Variants in APBA2 observed in about 807,000 individuals in gnomAD.
APBA2 encodes amyloid-beta A4 precursor protein-binding family A member 2.
Under a neutral mutation model 75.0 loss-of-function variants are expected in APBA2, and 30 were observed. The ratio of observed to expected loss-of-function variants is 0.40; its 90% CI spans 0.30 to 0.54. The LOEUF (loss-of-function observed/expected upper bound fraction) is 0.54, where lower values mean the gene tolerates loss of function less well. Ranked by LOEUF, APBA2 falls within the 20% of genes least tolerant of loss-of-function variation. The probability of loss-of-function intolerance (pLI) is 0.49; values close to 1 mark genes in which losing one functional copy is unlikely to be tolerated. For synonymous variants in APBA2, 444 were observed against 409.6 expected (o/e 1.08, Z -1.01); for missense variants, 801 against 1,016.1 (o/e 0.79, Z 2.88).
chr15:29,030,025 C>T (rs1264386380), intron 3 of APBA2, among the ~76,000 whole-genome samples: 2 of 152,180 alleles, frequency 1.3e-5, no homozygotes, highest in Non-Finnish European at 2.9e-5. Context: ...CGAGGCCCAA[C>T]AGGTGTGGCC....
intron 3 of APBA2, among the ~76,000 whole-genome samples, chr15:29,013,643 G>T (rs114739910): frequency 0.01 from 1,538 of 152,308 alleles, 25 homozygotes; most frequent in African/African-American, 0.034. Context: ...CTTTAGCAAA[G>T]AATTGGCTTC....
chr15:28,979,751 C>T (rs576795502), intron 2 of APBA2, among the ~76,000 whole-genome samples: 1 of 152,232 alleles, frequency 6.6e-6, no homozygotes, highest in South Asian at 2.1e-4. Context: ...CTCTCTGACC[C>T]CGTAGGTTTG....
intron 2 of APBA2, among the ~76,000 whole-genome samples, chr15:28,982,744 A>G (rs191007856): frequency 8.1e-4 from 123 of 152,348 alleles, no homozygotes; most frequent in Non-Finnish European, 1.4e-3. Flanking sequence ...TTGGACCAGC[A>G]TGACCAATTC....
chr15:28,901,346 C>G (rs1053304277), intron 1 of APBA2, among the ~76,000 whole-genome samples: 1 of 152,128 alleles, frequency 6.6e-6, no homozygotes, highest in Non-Finnish European at 1.5e-5. Flanking sequence ...CCCACCCTCC[C>G]AGATCCAGTG....
chr15:29,096,606 G>C (rs1216296975), intron 8 of APBA2, among the ~76,000 whole-genome samples: 1 of 152,214 alleles, frequency 6.6e-6, no homozygotes, highest in African/African-American at 2.4e-5. Context: ...TTTCTAATGA[G>C]TTAAAAGCAA....
intron 2 of APBA2, among the ~76,000 whole-genome samples, chr15:28,926,920 T>C (rs1032754806): frequency 4.0e-5 from 6 of 149,884 alleles, no homozygotes; most frequent in African/African-American, 1.2e-4. Flanking sequence ...GCAGTGGTGC[T>C]ATCTCGGCTC....
intron 9 of APBA2, among the ~76,000 whole-genome samples, chr15:29,100,123 A>T (rs2044045798): frequency 6.6e-6 from 1 of 152,210 alleles, no homozygotes; most frequent in Non-Finnish European, 1.5e-5. Flanking sequence ...CCATGTTGGT[A>T]GGCAGCCTCT....
chr15:29,006,037 C>T (rs988872497), intron 3 of APBA2, among the ~76,000 whole-genome samples: 2 of 152,106 alleles, frequency 1.3e-5, no homozygotes, highest in South Asian at 2.1e-4. Flanking sequence ...ACAAGGATGC[C>T]CCCTTTCACC....
chr15:28,921,366 C>T (rs2033960720), intron 1 of APBA2, among the ~76,000 whole-genome samples: 1 of 152,232 alleles, frequency 6.6e-6, no homozygotes, highest in Non-Finnish European at 1.5e-5. Context: ...GTTGTCCATA[C>T]TCACTGACCT....
chr15:29,114,569 C>T (rs1268429250), intron 14 of APBA2, among the ~76,000 whole-genome samples: 4 of 151,316 alleles, frequency 2.6e-5, no homozygotes, highest in South Asian at 4.2e-4. Context: ...CAGTGCGCAG[C>T]GGGTGTGCGT....
chr15:29,031,215 G>GT (rs1183354607), intron 3 of APBA2, among the ~76,000 whole-genome samples: 1 of 152,108 alleles, frequency 6.6e-6, no homozygotes, highest in African/African-American at 2.4e-5. Flanking sequence ...GAAAATCTAT[G>GT]TTTTTCAACA....
chr15:28,911,630 G>A (rs1329857704), intron 1 of APBA2, among the ~76,000 whole-genome samples: 2 of 152,170 alleles, frequency 1.3e-5, no homozygotes, highest in African/African-American at 4.8e-5. Flanking sequence ...TGTTGCTTAA[G>A]CCATTCAGAA....
chr15:29,038,061 G>A (rs1194238282), intron 3 of APBA2, among the ~76,000 whole-genome samples: 1 of 152,176 alleles, frequency 6.6e-6, no homozygotes, highest in African/African-American at 2.4e-5. Context: ...CCTGCACCCT[G>A]GGCCCAGTCC....
intron 3 of APBA2, among the ~76,000 whole-genome samples, chr15:29,007,990 C>T (rs565472113): frequency 6.6e-6 from 1 of 152,274 alleles, no homozygotes; most frequent in South Asian, 2.1e-4. Context: ...AGTCCATTGG[C>T]AGATGAATGG....
At chr15:29,066,189 A>C (rs1182873530) in intron 4 of APBA2, among the ~76,000 whole-genome samples, 2 of 151,810 alleles carry the variant, frequency 1.3e-5, no homozygotes, top group Non-Finnish European at 1.5e-5. Context: ...TTTTAGATAT[A>C]CTTGTGTTCA....
intron 3 of APBA2, among the ~76,000 whole-genome samples, chr15:29,038,238 C>T (rs2040844733): frequency 6.6e-6 from 1 of 152,214 alleles, no homozygotes; most frequent in African/African-American, 2.4e-5. Flanking sequence ...GGGACTCTGG[C>T]TCACCACAGA....
intron 2 of APBA2, among the ~76,000 whole-genome samples, chr15:28,988,276 T>C (rs1004316299): frequency 1.3e-5 from 2 of 151,838 alleles, no homozygotes; most frequent in African/African-American, 4.8e-5. Context: ...GCCTTTTTTT[T>C]TTTTTGAGAT....
intron 6 of APBA2, among the ~76,000 whole-genome samples, chr15:29,084,598 T>C (rs1254870427): frequency 2.0e-5 from 3 of 152,238 alleles, no homozygotes; most frequent in Non-Finnish European, 4.4e-5. Flanking sequence ...AAAGTTAATA[T>C]TTGTTTATGC....
At chr15:28,960,650 A>G (rs1242404282) in intron 2 of APBA2, among the ~76,000 whole-genome samples, 1 of 152,080 alleles carries the variant, frequency 6.6e-6, no homozygotes, top group South Asian at 2.1e-4. Context: ...GGTTTGTGGA[A>G]TAAATGGATG....
Sources: gnomAD v4.1 joint callset for allele counts (sites outside exome capture counted in the v4.1 genomes callset) on GRCh38, gnomAD v4.1.1 for gene constraint, MANE v1.5 for transcripts, NCBI Gene and HGNC (gene_info 2026-07-23, HGNC 2026-07-21) for gene names.